The following GPATCH2 variants were observed in gnomAD, a reference collection of about 807,000 sequenced individuals.
GPATCH2 encodes the protein G-patch domain containing 2.
In GPATCH2, 51 loss-of-function variants were observed where a neutral mutation model predicts 58.0. The observed-to-expected ratio is 0.88, with a 90% CI of 0.70 to 1.11. GPATCH2 has a LOEUF of 1.11. GPATCH2 is among the 50% of genes most tolerant of loss of function. The probability of loss-of-function intolerance (pLI) is 0.00; values close to 1 mark genes in which losing one functional copy is unlikely to be tolerated. For missense variants in GPATCH2, 625 were observed against 652.2 expected (o/e 0.96, Z 0.45); for synonymous variants, 222 against 218.5 (o/e 1.02, Z -0.14).
At chr1:217,504,131 G>T (rs1662435643) in intron 6 of GPATCH2, among the ~76,000 whole-genome samples, 1 of 152,120 alleles carries the variant, frequency 6.6e-6, no homozygotes, top group Non-Finnish European at 1.5e-5. Flanking sequence ...AGTCCTGTAC[G>T]AATGAGGGCA....
intron 5 of GPATCH2, among the ~76,000 whole-genome samples, chr1:217,571,012 T>C (rs573129854): frequency 3.2e-4 from 49 of 152,336 alleles, no homozygotes; most frequent in African/African-American, 1.1e-3. Context: ...ATGTTTCCAA[T>C]GGCAGCCTAC....
intron 6 of GPATCH2, among the ~76,000 whole-genome samples, chr1:217,501,215 T>C (rs1662285324): frequency 6.6e-6 from 1 of 152,152 alleles, no homozygotes; most frequent in African/African-American, 2.4e-5. Flanking sequence ...CCTTTTTAGA[T>C]TGGCTTTTAA....
intron 9 of GPATCH2, among the ~76,000 whole-genome samples, chr1:217,448,563 C>T (rs914289300): frequency 9.9e-5 from 15 of 152,196 alleles, no homozygotes; most frequent in African/African-American, 3.6e-4. Flanking sequence ...TATTCACAAC[C>T]TTCACTACAA....
chr1:217,542,382 G>A (rs1332461821), intron 5 of GPATCH2, among the ~76,000 whole-genome samples: 1 of 152,176 alleles, frequency 6.6e-6, no homozygotes, highest in African/African-American at 2.4e-5. Flanking sequence ...CATTATAGTT[G>A]GCTCAGGGAT....
intron 5 of GPATCH2, among the ~76,000 whole-genome samples, chr1:217,539,478 T>C (rs1236709461): frequency 2.0e-5 from 3 of 152,156 alleles, no homozygotes; most frequent in African/African-American, 7.2e-5. Flanking sequence ...GTTCCTCTTG[T>C]CCTACAAACA....
chr1:217,607,647 T>C (rs1466497214), intron 5 of GPATCH2, among the ~76,000 whole-genome samples: 1 of 152,208 alleles, frequency 6.6e-6, no homozygotes, highest in Non-Finnish European at 1.5e-5. Flanking sequence ...GACCAGAGGC[T>C]TCCAGGAACC....
At chr1:217,442,532 T>C (rs1235781269) in intron 9 of GPATCH2, among the ~76,000 whole-genome samples, 1 of 152,166 alleles carries the variant, frequency 6.6e-6, no homozygotes, top group Non-Finnish European at 1.5e-5. Context: ...ATTACATCAT[T>C]TCTTTTGCCA....
intron 8 of GPATCH2, among the ~76,000 whole-genome samples, chr1:217,461,443 A>G (rs1275319531): frequency 6.6e-6 from 1 of 152,200 alleles, no homozygotes; most frequent in African/African-American, 2.4e-5. Context: ...CAGACTGTAT[A>G]TTCCTTGAAG....
chr1:217,570,486 A>G (rs1028127018), intron 5 of GPATCH2, among the ~76,000 whole-genome samples: 2 of 152,196 alleles, frequency 1.3e-5, no homozygotes, highest in Admixed American at 1.3e-4. Flanking sequence ...TGCTTTTACT[A>G]TAAATCTTTC....
intron 5 of GPATCH2, among the ~76,000 whole-genome samples, chr1:217,566,544 TATGA>T (rs1666246768): frequency 1.3e-5 from 2 of 152,236 alleles, no homozygotes; most frequent in Admixed American, 1.3e-4. Flanking sequence ...GGGCAAAAGA[TATGA>T]ATGAATATCA....
At chr1:217,530,550 C>A (rs531645402) in intron 5 of GPATCH2, among the ~76,000 whole-genome samples, 1 of 152,126 alleles carries the variant, frequency 6.6e-6, no homozygotes, top group African/African-American at 2.4e-5. Context: ...GGACTGGGAG[C>A]AAGGAGGGTG....
chr1:217,573,971 C>T lies in GPATCH2; in HGVS notation c.1098+36350G>A, dbSNP rs1666687013. Among the ~76,000 whole-genome samples, 6 of 152,192 alleles carry T rather than the reference C, an allele frequency of 3.9e-5. 1 individual carries two copies. Among genetic ancestry groups the T allele is most frequent in the African/African-American group, 1.4e-4 (6 of 41,544 alleles). On this transcript the variant is annotated intron_variant, in intron 5 of 9. Transcript: ENST00000366935. ...TAAATATGTTTACTTAATTATTTTG[C>T]AGAGAATGAGAATGGTTTGCTTGGC...
intron 6 of GPATCH2, among the ~76,000 whole-genome samples, chr1:217,508,694 T>C (rs1662687028): frequency 1.3e-5 from 2 of 152,106 alleles, no homozygotes; most frequent in Non-Finnish European, 2.9e-5. Context: ...CATTTTAATA[T>C]TTGTAGTTTT....
chr1:217,539,301 A>C (rs1279785992), intron 5 of GPATCH2, among the ~76,000 whole-genome samples: 1 of 152,232 alleles, frequency 6.6e-6, no homozygotes, highest in Non-Finnish European at 1.5e-5. Context: ...AAGGATCATT[A>C]ATTTCAAATC....
intron 5 of GPATCH2, among the ~76,000 whole-genome samples, chr1:217,516,860 G>T (rs1234118718): frequency 6.6e-6 from 1 of 152,146 alleles, no homozygotes; most frequent in Non-Finnish European, 1.5e-5. Context: ...AAAATTGTTT[G>T]TTTACCTGAA....
chr1:217,555,672 C>T (rs1188410469), intron 5 of GPATCH2, among the ~76,000 whole-genome samples: 3 of 152,154 alleles, frequency 2.0e-5, no homozygotes, highest in African/African-American at 4.8e-5. Flanking sequence ...CAGGTTATCA[C>T]TTGGTGGAAA....
At chr1:217,593,850 G>C (rs1306032356) in intron 5 of GPATCH2, among the ~76,000 whole-genome samples, 1 of 151,980 alleles carries the variant, frequency 6.6e-6, no homozygotes, top group Non-Finnish European at 1.5e-5. Context: ...ACCTAAAAAA[G>C]CAGGTAAAAT....
chr1:217,436,558 T>A (rs970707320), intron 9 of GPATCH2, among the ~76,000 whole-genome samples: 2 of 152,228 alleles, frequency 1.3e-5, no homozygotes, highest in Admixed American at 1.3e-4. Flanking sequence ...CATTGAGTAA[T>A]ATATGAATTG....
chr1:217,608,166 C>G (rs953328549), intron 5 of GPATCH2: 2 of 486,916 alleles, frequency 4.1e-6, no homozygotes, highest in Non-Finnish European at 5.3e-6. Context: ...AGAGAAATAG[C>G]AGCACAAATT....
Sources: allele counts gnomAD v4.1 joint callset (sites outside exome capture counted in the v4.1 genomes callset), GRCh38; gene constraint gnomAD v4.1.1; transcripts MANE v1.5; gene names NCBI Gene and HGNC (gene_info 2026-07-23, HGNC 2026-07-21).